Variants in XIRP2 observed in about 807,000 individuals in gnomAD.
The protein encoded by XIRP2 is xin actin-binding repeat-containing protein 2.
A neutral mutation model predicts 277.0 loss-of-function variants in XIRP2; 236 were observed. The ratio of observed to expected loss-of-function variants is 0.85; its 90% confidence interval spans 0.77 to 0.95. The LOEUF is 0.95. Ranked by LOEUF, XIRP2 falls within the 40% of genes least tolerant of loss-of-function variation. The probability of loss-of-function intolerance (pLI) is 0.00; values close to 1 mark genes in which losing one functional copy is unlikely to be tolerated. For synonymous variants in XIRP2, 1,490 were observed against 1,416.5 expected (o/e 1.05, Z -1.17); for missense variants, 4,640 against 4,157.5 (o/e 1.12, Z -3.19).
At chr2:167,143,773 T>C (rs190902749) in intron 3 of XIRP2, among the ~76,000 whole-genome samples, 231 of 152,146 alleles carry the variant, frequency 1.5e-3, no homozygotes, top group African/African-American at 5.1e-3. Context: ...ATTTGGTGAC[T>C]TTTCACCATC....
intron 2 of XIRP2, among the ~76,000 whole-genome samples, chr2:167,078,353 A>T (rs1254841077): frequency 6.6e-6 from 1 of 152,194 alleles, no homozygotes; most frequent in Non-Finnish European, 1.5e-5. Context: ...ACTGAAGCTT[A>T]TCAGTTCAAG....
At chr2:167,022,597 C>T (rs1027263879) in intron 2 of XIRP2, among the ~76,000 whole-genome samples, 1 of 151,978 alleles carries the variant, frequency 6.6e-6, no homozygotes, top group African/African-American at 2.4e-5. Context: ...TATCCCTCCC[C>T]CCTACCCCCA....
intron 2 of XIRP2, among the ~76,000 whole-genome samples, chr2:166,975,769 C>CA (rs1205779058): frequency 2.7e-5 from 4 of 150,854 alleles, no homozygotes; most frequent in South Asian, 2.1e-4. Flanking sequence ...ACTAAAAATG[C>CA]AAAAAAATTA....
At position 167,251,629 on chromosome 2, in the gene XIRP2, A is replaced by G; in HGVS notation, c.10237A>G (p.Arg3413Gly). The G allele has an allele frequency of 6.2e-7, 1 of 1,613,548 alleles. No homozygotes were observed. Among genetic ancestry groups the G allele is most frequent in the Non-Finnish European group, 8.5e-7 (1 of 1,179,662 alleles). Residue 3413 changes from arginine (R) to glycine (G), a missense_variant, in exon 9 of 11, where the codon AGG becomes GGG. Coordinates refer to ENST00000409195, the MANE Select transcript of XIRP2 (RefSeq NM_152381.6). The part of the protein sequence containing the change: ...VKQPRICSET[R>G]SLSEHFSGMD... ...GCAGCCCAGGATCTGCTCTGAAACC[A>G]GGTCTCTAAGTGAACATTTCTCAGG...
At chr2:167,106,375 C>T (rs78367328) in intron 2 of XIRP2, among the ~76,000 whole-genome samples, 4,610 of 151,700 alleles carry the variant, frequency 0.03, 77 homozygotes, top group East Asian at 0.051. Flanking sequence ...TTGTTTGTTT[C>T]TGCCTATTGA....
chr2:167,163,375 G>A (rs1165010160), intron 3 of XIRP2, among the ~76,000 whole-genome samples: 5 of 152,174 alleles, frequency 3.3e-5, no homozygotes, highest in African/African-American at 9.7e-5. Context: ...GATATGAGTT[G>A]TATTCCCTTG....
At chr2:167,252,096 C>T in intron 9 of XIRP2, 149 bp downstream of exon 9, 2 of 1,191,140 alleles carry the variant, frequency 1.7e-6, no homozygotes, top group Non-Finnish European at 2.2e-6. Context: ...CTTATAGACT[C>T]TTTATATGCT....
intron 2 of XIRP2, among the ~76,000 whole-genome samples, chr2:166,926,013 A>ACATTG (rs1352284173): frequency 6.6e-6 from 1 of 151,994 alleles, no homozygotes; most frequent in African/African-American, 2.4e-5. Context: ...GTTTGAGGCT[A>ACATTG]TAGTAAGCTA....
chr2:167,104,407 T>A (rs569124008), intron 2 of XIRP2, among the ~76,000 whole-genome samples: 1 of 152,136 alleles, frequency 6.6e-6, no homozygotes, highest in Non-Finnish European at 1.5e-5. Flanking sequence ...TAACCATTAT[T>A]GTTGCAGAAT....
chr2:167,243,146 C>T lies in XIRP2; in HGVS notation c.1754C>T (p.Pro585Leu). The change falls in exon 9 of 11, where the codon CCA (proline) becomes CTA (leucine). Residue 585 changes from proline to leucine, a missense_variant. Pro to Leu is a moderately conservative substitution (Grantham distance 98). Coordinates refer to ENST00000409195, the MANE Select transcript of XIRP2 (RefSeq NM_152381.6). ...QSIRWIFENQ[P>L]LDSINNGSPD... ...ATTAGATGGATCTTTGAGAATCAAC[C>T]ATTGGATTCCATCAACAATGGCTCT... The T allele has an allele frequency of 6.2e-7, 1 of 1,614,068 alleles. No individual in the cohort carries two copies. Among genetic ancestry groups the T allele is most frequent in the Non-Finnish European group, 8.5e-7 (1 of 1,179,986 alleles).
intron 2 of XIRP2, among the ~76,000 whole-genome samples, chr2:166,920,364 T>A (rs1445208974): frequency 6.6e-6 from 1 of 152,136 alleles, no homozygotes; most frequent in Non-Finnish European, 1.5e-5. Context: ...AAAATACTGC[T>A]CTCTAGATGA....
chr2:167,095,851 CTTTTTTTTTTTTTTTTTTTTTTTT>C (rs60405920), intron 2 of XIRP2, among the ~76,000 whole-genome samples: 2 of 47,244 alleles, frequency 4.2e-5, no homozygotes, highest in South Asian at 1.5e-3. Context: ...AGGCGTCACT[CTTTTTTTTTTTTTTTTTTTTTTTT>C]TTTTTTTTTT....
chr2:167,139,408 A>T (rs370178905), intron 3 of XIRP2, among the ~76,000 whole-genome samples: 12 of 152,310 alleles, frequency 7.9e-5, no homozygotes, highest in Non-Finnish European at 1.3e-4. Context: ...ATCAACATGT[A>T]AAATGTCAAA....
chr2:166,939,289 G>A (rs1180737625), intron 2 of XIRP2, among the ~76,000 whole-genome samples: 1 of 152,002 alleles, frequency 6.6e-6, no homozygotes, highest in African/African-American at 2.4e-5. Flanking sequence ...CAGGCCTGGT[G>A]GTGACAAAAT....
At chr2:167,059,066 G>A (rs947363324) in intron 2 of XIRP2, among the ~76,000 whole-genome samples, 5 of 150,122 alleles carry the variant, frequency 3.3e-5, no homozygotes, top group Non-Finnish European at 7.4e-5. Flanking sequence ...TTTAAAGTTG[G>A]TAAGCATTGG....
chr2:167,143,783 C>T (rs1041125160), intron 3 of XIRP2, among the ~76,000 whole-genome samples: 4 of 150,818 alleles, frequency 2.7e-5, no homozygotes, highest in African/African-American at 4.9e-5. Context: ...TTTTCACCAT[C>T]GTAAAAAAAA....
chr2:167,101,359 G>A (rs889941216), intron 2 of XIRP2, among the ~76,000 whole-genome samples: 2 of 152,136 alleles, frequency 1.3e-5, no homozygotes, highest in African/African-American at 4.8e-5. Flanking sequence ...GCAACAGGTG[G>A]TGTTTGGTTG....
At chr2:166,906,508 G>A (rs1684529385) in intron 2 of XIRP2, among the ~76,000 whole-genome samples, 1 of 151,944 alleles carries the variant, frequency 6.6e-6, no homozygotes, top group South Asian at 2.1e-4. Context: ...ACATTATAAT[G>A]TATGTGTATA....
intron 2 of XIRP2, among the ~76,000 whole-genome samples, chr2:167,112,592 TAA>T (rs113414741): frequency 0.061 from 8,963 of 147,982 alleles, 510 homozygotes; most frequent in African/African-American, 0.15. Flanking sequence ...ATAATATATA[TAA>T]ATCTCTATAT....
Sources: allele counts gnomAD v4.1 joint callset (sites outside exome capture counted in the v4.1 genomes callset), GRCh38; gene constraint gnomAD v4.1.1; transcripts MANE v1.5; gene names NCBI Gene and HGNC (gene_info 2026-07-23, HGNC 2026-07-21).